Variants in INPP5A observed in about 807,000 individuals in gnomAD.
INPP5A encodes 43 kDa inositol polyphosphate 5-phophatase.
A neutral mutation model predicts 65.2 loss-of-function variants in INPP5A; 14 were observed. The observed-to-expected ratio is 0.21, with a 90% CI of 0.14 to 0.34. INPP5A has a LOEUF of 0.34. Ranked by LOEUF, INPP5A falls within the 10% of genes least tolerant of loss-of-function variation. INPP5A has a pLI of 1.00. For synonymous variants in INPP5A, 207 were observed against 208.3 expected (o/e 0.99, Z 0.05); for missense variants, 431 against 545.6 (o/e 0.79, Z 2.09).
At chr10:132,586,486 A>T (rs2071546031) in intron 1 of INPP5A, among the ~76,000 whole-genome samples, 1 of 152,166 alleles carries the variant, frequency 6.6e-6, no homozygotes, top group Non-Finnish European at 1.5e-5. Context: ...CCAGAAACCC[A>T]GTTGACTTCC....
chr10:132,690,645 G>A (rs913797281), intron 5 of INPP5A, among the ~76,000 whole-genome samples, 190 bp downstream of exon 5: 2 of 152,136 alleles, frequency 1.3e-5, no homozygotes, highest in African/African-American at 2.4e-5. Flanking sequence ...GTCCCACACT[G>A]GCTCCCTGGC....
chr10:132,710,533 G>A, intron 8 of INPP5A, 77 bp downstream of exon 8: 6 of 1,555,980 alleles, frequency 3.9e-6, no homozygotes, highest in Non-Finnish European at 5.2e-6. Flanking sequence ...GGAGAGGTAG[G>A]TGTGGGCGGA....
intron 8 of INPP5A, among the ~76,000 whole-genome samples, chr10:132,716,281 G>T (rs760725364): frequency 6.6e-6 from 1 of 152,174 alleles, no homozygotes; most frequent in African/African-American, 2.4e-5. Flanking sequence ...AGCACCTGTC[G>T]CTCCTTTGCA....
chr10:132,768,134 T>G (rs59113487), intron 12 of INPP5A, among the ~76,000 whole-genome samples: 94 of 104,544 alleles, frequency 9.0e-4, no homozygotes, highest in South Asian at 1.7e-3. Flanking sequence ...CACGTGCCCA[T>G]TGGCATTCCA....
chr10:132,717,438 T>G (rs1334247971), intron 8 of INPP5A, among the ~76,000 whole-genome samples: 1 of 151,524 alleles, frequency 6.6e-6, no homozygotes, highest in African/African-American at 2.5e-5. Flanking sequence ...CCCCAGGCAC[T>G]TTGGGGGCTC....
intron 12 of INPP5A, among the ~76,000 whole-genome samples, chr10:132,770,027 G>A (rs550269521): frequency 2.6e-5 from 4 of 152,268 alleles, no homozygotes; most frequent in South Asian, 4.1e-4. Context: ...GTGACAGCCC[G>A]ACATTTCTAG....
intron 1 of INPP5A, among the ~76,000 whole-genome samples, chr10:132,569,331 A>G (rs2071309412): frequency 6.6e-6 from 1 of 151,810 alleles, no homozygotes; most frequent in East Asian, 1.9e-4. Flanking sequence ...ATGTTTCTGC[A>G]TTTTGCTTGT....
chr10:132,625,518 C>G (rs1406772087), intron 2 of INPP5A, among the ~76,000 whole-genome samples: 1 of 152,032 alleles, frequency 6.6e-6, no homozygotes, highest in Non-Finnish European at 1.5e-5. Flanking sequence ...GTAGATGAGA[C>G]TAGGAGGGGA....
intron 4 of INPP5A, among the ~76,000 whole-genome samples, chr10:132,664,770 A>T (rs1378481008): frequency 1.3e-5 from 2 of 151,932 alleles, no homozygotes; most frequent in Non-Finnish European, 2.9e-5. Flanking sequence ...CTCTTTGAAA[A>T]CCACCCATCC....
At chr10:132,780,817 C>A (rs1438698026) in intron 13 of INPP5A, 32 bp from the exon 14 acceptor site, 1 of 1,602,890 alleles carries the variant, frequency 6.2e-7, no homozygotes, top group South Asian at 1.1e-5. Context: ...GCCCCACCTC[C>A]CCACACTCAC....
At chr10:132,686,425 A>T (rs1210082013) in intron 4 of INPP5A, among the ~76,000 whole-genome samples, 1 of 152,252 alleles carries the variant, frequency 6.6e-6, no homozygotes, top group African/African-American at 2.4e-5. Context: ...TGTGACAGAC[A>T]TACTCTTGAC....
intron 13 of INPP5A, among the ~76,000 whole-genome samples, chr10:132,780,356 C>T (rs1042472250): frequency 6.6e-6 from 1 of 152,124 alleles, no homozygotes; most frequent in Non-Finnish European, 1.5e-5. Flanking sequence ...TGTCTGTTCT[C>T]GTTTGAACAC....
At chr10:132,764,376 G>A (rs1312549135) in intron 11 of INPP5A, among the ~76,000 whole-genome samples, 2 of 152,160 alleles carry the variant, frequency 1.3e-5, no homozygotes, top group African/African-American at 4.8e-5. Context: ...GGCCAGTCCT[G>A]CAGGGTTGAG....
rs987153372 is a variant in INPP5A, at chr10:132,749,460, G to A, written c.733-57G>A. On this transcript the variant is annotated intron_variant, in intron 9 of 15. Transcript: ENST00000368594. ...CCACTGACTCGGGGTGTCGGGTGAC[G>A]CTGCCATGGGCAGGTGGGCCCCCCT... 43 of 1,488,084 alleles carry A rather than the reference G, an allele frequency of 2.9e-5. No homozygotes were observed. The Admixed American group carries it at 4.1e-4, about 14-fold the overall frequency. 92.2% of individuals were successfully genotyped at this position (1,488,084 alleles called of 1,614,324 possible).
intron 4 of INPP5A, among the ~76,000 whole-genome samples, chr10:132,688,856 G>A (rs574945256): frequency 1.3e-5 from 2 of 152,090 alleles, no homozygotes; most frequent in South Asian, 2.1e-4. Context: ...GAGTGCGTGT[G>A]TGCATGAGTT....
chr10:132,560,094 C>T (rs1564916094), intron 1 of INPP5A, among the ~76,000 whole-genome samples: 1 of 145,326 alleles, frequency 6.9e-6, no homozygotes. Context: ...TGCTGGGTCA[C>T]GATGTGTCTT....
Position 132,710,397 on chromosome 10 carries a change from A to G in INPP5A, c.588A>G (p.Glu196=), listed in dbSNP as rs1564976006. 1.2e-6 allele frequency: 2 copies of G among 1,614,170 alleles called. No homozygotes were observed. Among genetic ancestry groups the G allele is most frequent in the Non-Finnish European group, 1.7e-6 (2 of 1,180,032 alleles). The change falls in exon 8 of 16, where the codon GAA becomes GAG. Residue 196 remains glutamate (E), a synonymous_variant. Coordinates refer to ENST00000368594, the MANE Select transcript of INPP5A (RefSeq NM_005539.5). ...FHDASNLVAW[E]TSPSVYSGIR... The stretch of plus-strand genomic sequence containing the variant: ...ATGCTTCCAATCTGGTCGCCTGGGA[A>G]ACAAGCCCTTCCGTGTACTCGGGAA...
intron 1 of INPP5A, among the ~76,000 whole-genome samples, chr10:132,574,325 C>T (rs1032828318): frequency 7.1e-6 from 1 of 141,674 alleles, no homozygotes; most frequent in Non-Finnish European, 1.5e-5. Context: ...GTTGTACGTG[C>T]CGTGGGAGGT....
intron 9 of INPP5A, among the ~76,000 whole-genome samples, chr10:132,739,809 A>T (rs1590972531): frequency 6.6e-6 from 1 of 152,324 alleles, no homozygotes; most frequent in East Asian, 1.9e-4. Flanking sequence ...GCCCCCTGCC[A>T]GGACCCAGGG....
Sources: gnomAD v4.1 joint callset for allele counts (sites outside exome capture counted in the v4.1 genomes callset) on GRCh38, gnomAD v4.1.1 for gene constraint, MANE v1.5 for transcripts, NCBI Gene and HGNC (gene_info 2026-07-23, HGNC 2026-07-21) for gene names.